CLEC17A: variants seen among roughly 807,000 people sequenced by gnomAD.
The protein encoded by CLEC17A is C-type lectin domain containing 17A.
CLEC17A carries 37 observed loss-of-function variants against 61.3 expected under a neutral mutation model. The ratio of observed to expected loss-of-function variants is 0.60; its 90% CI spans 0.46 to 0.79. The LOEUF is 0.79. Among genes scored for constraint, CLEC17A ranks in the 30% least tolerant of loss-of-function variants. CLEC17A has a pLI of 0.00. For missense variants in CLEC17A, 418 were observed against 464.7 expected (o/e 0.90, Z 0.92); for synonymous variants, 168 against 164.9 (o/e 1.02, Z -0.14).
intron 2 of CLEC17A, among the ~76,000 whole-genome samples, chr19:14,583,682 G>A (rs2074219976): frequency 6.6e-6 from 1 of 151,908 alleles, no homozygotes. Context: ...GGGGACTGAG[G>A]GCTCAAATAG....
intron 13 of CLEC17A, among the ~76,000 whole-genome samples, chr19:14,609,188 C>T (rs537124129): frequency 9.9e-5 from 15 of 152,268 alleles, no homozygotes; most frequent in African/African-American, 3.6e-4. Context: ...AGACACTACC[C>T]AACTCCACTG....
intron 8 of CLEC17A, among the ~76,000 whole-genome samples, chr19:14,595,524 T>G (rs936186599): frequency 6.6e-6 from 1 of 152,250 alleles, no homozygotes; most frequent in African/African-American, 2.4e-5. Flanking sequence ...GTGTATTCTT[T>G]TTTGTCCTTC....
chr19:14,591,639 C>T (rs986368656), intron 3 of CLEC17A, among the ~76,000 whole-genome samples: 4 of 151,224 alleles, frequency 2.6e-5, no homozygotes, highest in South Asian at 4.2e-4. Flanking sequence ...CTGCAACCTC[C>T]ACCTCCTGAG....
intron 4 of CLEC17A, 142 bp downstream of exon 4, chr19:14,592,500 A>G (rs1229470870): frequency 1.3e-6 from 2 of 1,490,916 alleles, no homozygotes; most frequent in East Asian, 4.9e-5. Context: ...CACCCTGCCC[A>G]GGAGGACCTG....
At chr19:14,584,822 T>G (rs1171121205) in intron 2 of CLEC17A, among the ~76,000 whole-genome samples, 1 of 151,480 alleles carries the variant, frequency 6.6e-6, no homozygotes, top group Non-Finnish European at 1.5e-5. Flanking sequence ...GCATCCACTC[T>G]CCAATCCAAC....
Position 14,610,111 on chromosome 19 carries a change from C to A in CLEC17A, c.1052C>A (p.Ala351Asp). The A allele has an allele frequency of 3.7e-6, 6 of 1,612,366 alleles. No homozygotes were observed. The highest frequency in any genetic ancestry group is 5.1e-6 in the Non-Finnish European group (6 of 1,179,218). The change falls in exon 14 of 14, where the codon GCT becomes GAT. Residue 351 changes from alanine (A) to aspartate (D), a missense_variant. Coordinates refer to ENST00000417570, the MANE Select transcript of CLEC17A (RefSeq NM_001204118.2). The part of the protein sequence containing the change: ...EPNNIHDEDC[A>D]TMNKGGTWND... Reference sequence around the variant, plus strand: ...AATAACATCCACGATGAGGACTGTGCTACCATGAACAAAGGTGGCACCTGG... The same window carrying A: ...AATAACATCCACGATGAGGACTGTGATACCATGAACAAAGGTGGCACCTGG...
intron 2 of CLEC17A, among the ~76,000 whole-genome samples, chr19:14,586,854 G>T (rs913932383): frequency 4.6e-5 from 7 of 151,534 alleles, no homozygotes; most frequent in Non-Finnish European, 8.8e-5. Flanking sequence ...GAGGTGGGTG[G>T]CTGTTGTCAT....
chr19:14,594,908 GT>G, intron 7 of CLEC17A, 108 bp downstream of exon 7: 1 of 1,129,402 alleles, frequency 8.9e-7, no homozygotes, highest in Non-Finnish European at 1.3e-6. Flanking sequence ...GAGTCTCACT[GT>G]CATCCAGGCT....
At chr19:14,596,210 A>C (rs1302423256) in intron 8 of CLEC17A, among the ~76,000 whole-genome samples, 1 of 151,998 alleles carries the variant, frequency 6.6e-6, no homozygotes, top group South Asian at 2.1e-4. Flanking sequence ...AAGATGATGC[A>C]TCATAGATAT....
At chr19:14,599,917 C>A in intron 11 of CLEC17A, 105 bp downstream of exon 11, 1 of 1,493,120 alleles carries the variant, frequency 6.7e-7, no homozygotes, top group Non-Finnish European at 9.1e-7. Context: ...GTGAATGGTG[C>A]CCCTCCCCCT....
At chr19:14,589,545 T>C in intron 3 of CLEC17A, among the ~76,000 whole-genome samples, 1 of 129,632 alleles carries the variant, frequency 7.7e-6, no homozygotes, top group East Asian at 2.1e-4. Context: ...ATCCTCCTAC[T>C]ACACCCTCCC....
intron 3 of CLEC17A, among the ~76,000 whole-genome samples, chr19:14,589,159 C>T (rs2074357363): frequency 6.7e-6 from 1 of 150,180 alleles, no homozygotes; most frequent in Admixed American, 6.6e-5. Context: ...GGCAAGGACT[C>T]TGTTCTTCAT....
Position 14,594,564 on chromosome 19 carries a change from G to A in CLEC17A, c.310+15G>A, listed in dbSNP as rs369929625. ...TCCAAGGGCAGGTGAGTTGGGGCTGGGGGTGTAGGAGACCCAGAGCTGGCT... is the reference window on the plus strand; with the variant it reads ...TCCAAGGGCAGGTGAGTTGGGGCTGAGGGTGTAGGAGACCCAGAGCTGGCT... On this transcript the variant is annotated intron_variant, in intron 5 of 13. Transcript: ENST00000417570. The A allele has an allele frequency of 3.1e-6, 5 of 1,611,786 alleles. No individual in the cohort carries two copies. The highest frequency in any genetic ancestry group is 2.2e-5 in the East Asian group (1 of 44,726).
upstream of CLEC17A, among the ~76,000 whole-genome samples, chr19:14,582,827 C>T (rs911189884): frequency 3.9e-5 from 6 of 151,918 alleles, no homozygotes; most frequent in African/African-American, 1.2e-4. Flanking sequence ...AACCTGGTCT[C>T]GAACTCCTGG....
At chr19:14,589,491 T>A (rs1489210871) in intron 3 of CLEC17A, among the ~76,000 whole-genome samples, 2 of 144,050 alleles carry the variant, frequency 1.4e-5, no homozygotes, top group Non-Finnish European at 3.0e-5. Context: ...CCTGAAGTGG[T>A]GCAATCATAG....
intron 13 of CLEC17A, among the ~76,000 whole-genome samples, chr19:14,609,555 G>A (rs1027800557): frequency 2.6e-5 from 4 of 151,822 alleles, no homozygotes; most frequent in Non-Finnish European, 5.9e-5. Context: ...ATTGATTAAG[G>A]GGCCAGGCAC....
chr19:14,591,705 C>G (rs561563057), intron 3 of CLEC17A, among the ~76,000 whole-genome samples: 2 of 152,130 alleles, frequency 1.3e-5, no homozygotes, highest in African/African-American at 4.8e-5. Context: ...AGGCTTGCAC[C>G]ATCATGCCTG....
intron 10 of CLEC17A, chr19:14,599,513 A>G (rs1346704183): frequency 1.6e-6 from 1 of 634,540 alleles, no homozygotes; most frequent in Non-Finnish European, 2.9e-6. Flanking sequence ...TTTTCCCCAC[A>G]TCCCCGGGAT....
At chr19:14,589,825 G>C (rs1040756921) in intron 3 of CLEC17A, among the ~76,000 whole-genome samples, 5 of 146,946 alleles carry the variant, frequency 3.4e-5, no homozygotes, top group Non-Finnish European at 7.5e-5. Context: ...TGTGAGGCTA[G>C]ATCATAGGAG....
Sources: gnomAD v4.1 joint callset for allele counts (sites outside exome capture counted in the v4.1 genomes callset) on GRCh38, gnomAD v4.1.1 for gene constraint, MANE v1.5 for transcripts, NCBI Gene and HGNC (gene_info 2026-07-23, HGNC 2026-07-21) for gene names.